The following PLXNA4 variants were observed in gnomAD, a reference collection of about 807,000 sequenced individuals.
PLXNA4 encodes plexin A4.
A neutral mutation model predicts 191.8 loss-of-function variants in PLXNA4; 44 were observed. The observed-to-expected ratio is 0.23, with a 90% CI of 0.18 to 0.29. The LOEUF (loss-of-function observed/expected upper bound fraction) is 0.29, where lower values mean the gene tolerates loss of function less well. Ranked by LOEUF, PLXNA4 falls within the 10% of genes least tolerant of loss-of-function variation. PLXNA4 has a pLI of 1.00. For synonymous variants in PLXNA4, 1,082 were observed against 1,009.5 expected (o/e 1.07, Z -1.36); for missense variants, 1,800 against 2,488.8 (o/e 0.72, Z 5.89).
intron 3 of PLXNA4, among the ~76,000 whole-genome samples, chr7:132,309,390 T>C (rs192112463): frequency 6.6e-6 from 1 of 152,080 alleles, no homozygotes; most frequent in Non-Finnish European, 1.5e-5. Context: ...AGTCAGTGGC[T>C]CTGCATGGTG....
At chr7:132,208,184 C>A (rs1797687834) in intron 10 of PLXNA4, among the ~76,000 whole-genome samples, 1 of 152,304 alleles carries the variant, frequency 6.6e-6, no homozygotes, top group South Asian at 2.1e-4. Flanking sequence ...GATTCCACTG[C>A]CCCCCATGAA....
chr7:132,352,701 G>T (rs983953040), intron 3 of PLXNA4, among the ~76,000 whole-genome samples: 1 of 152,178 alleles, frequency 6.6e-6, no homozygotes, highest in African/African-American at 2.4e-5. Context: ...TCTCAAAGCT[G>T]CAGCATCCTC....
chr7:132,303,011 G>A (rs964559971), intron 3 of PLXNA4, among the ~76,000 whole-genome samples: 4 of 151,908 alleles, frequency 2.6e-5, no homozygotes, highest in African/African-American at 9.7e-5. Context: ...TGAGTAGCTG[G>A]GATTACAGTC....
chr7:132,448,378 C>T (rs903545077), intron 3 of PLXNA4, among the ~76,000 whole-genome samples: 12 of 152,152 alleles, frequency 7.9e-5, no homozygotes, highest in African/African-American at 2.2e-4. Flanking sequence ...TGGTAGTTTG[C>T]GAACACCAGG....
At chr7:132,227,343 ACT>A (rs1240024618) in intron 7 of PLXNA4, 106 bp downstream of exon 7, 12 of 1,451,826 alleles carry the variant, frequency 8.3e-6, no homozygotes, top group Non-Finnish European at 1.1e-5. Flanking sequence ...CCTTCCTCTG[ACT>A]CTCTCCTGCC....
chr7:132,326,376 C>T (rs963737202), intron 3 of PLXNA4, among the ~76,000 whole-genome samples: 5 of 152,222 alleles, frequency 3.3e-5, no homozygotes, highest in African/African-American at 4.8e-5. Context: ...CACACATACA[C>T]ACCATCCTAC....
At chr7:132,365,782 G>C (rs886818896) in intron 3 of PLXNA4, 6 of 152,198 alleles carry the variant, frequency 3.9e-5, no homozygotes, top group Non-Finnish European at 1.5e-5. Flanking sequence ...CAATTCCTTT[G>C]AGAACGTTAA....
rs972693983 is a variant in PLXNA4 at position 132,385,096 on chromosome 7, A to G, written c.1372-86874T>C. ...TGAGCTATGATGTATGGCTGGGGTC[A>G]CAGGGAGGTAGATGTGTCTCATCTG... On this transcript the variant is annotated intron_variant, in intron 3 of 31. Coordinates refer to ENST00000321063, the MANE Select transcript of PLXNA4 (RefSeq NM_020911.2). 11 of 1,557,810 alleles carry G rather than the reference A, an allele frequency of 7.1e-6. No homozygotes were observed. The African/African-American group carries it at 1.5e-4, about 21-fold the overall frequency.
intron 3 of PLXNA4, among the ~76,000 whole-genome samples, chr7:132,440,008 G>GTGTA (rs1156732877): frequency 6.6e-6 from 1 of 151,784 alleles, no homozygotes. Context: ...GTGTGTGTGT[G>GTGTA]TGTATGTGTG....
At chr7:132,201,452 A>G (rs1180072120) in intron 12 of PLXNA4, among the ~76,000 whole-genome samples, 2 of 152,214 alleles carry the variant, frequency 1.3e-5, no homozygotes, top group Non-Finnish European at 2.9e-5. Context: ...TTAAGTGATC[A>G]TATACTGTGT....
At position 132,507,658 on chromosome 7, in the gene PLXNA4, T is replaced by G. The variant is rs779570289; in HGVS notation, c.1036A>C (p.Lys346Gln). The G allele has an allele frequency of 1.2e-6, 2 of 1,614,228 alleles. No homozygotes were observed. The highest frequency in any genetic ancestry group is 4.5e-5 in the East Asian group (2 of 44,890). ...FTVFSKGQKRKMKSLDESALC... is the reference protein window; with the variant it reads ...FTVFSKGQKRQMKSLDESALC... ...GCCGACTCATCCAGGGATTTCATTT[T>G]CCGCTTCTGGCCCTTGGAGAAGACG... is the stretch of plus-strand genomic sequence containing the variant. The change falls in exon 2 of 32, where the codon AAA becomes CAA. Residue 346 changes from lysine (K) to glutamine (Q), a missense_variant. Coordinates refer to ENST00000321063, the MANE Select transcript of PLXNA4 (RefSeq NM_020911.2).
intron 1 of PLXNA4, among the ~76,000 whole-genome samples, chr7:132,572,479 G>A (rs1229563312): frequency 6.6e-6 from 1 of 152,176 alleles, no homozygotes; most frequent in Non-Finnish European, 1.5e-5. Flanking sequence ...AGTGTGTGGG[G>A]GCATACACAG....
At chr7:132,556,092 A>T (rs1800790192) in intron 1 of PLXNA4, among the ~76,000 whole-genome samples, 1 of 152,258 alleles carries the variant, frequency 6.6e-6, no homozygotes, top group Admixed American at 6.5e-5. Context: ...GGTGAGCTGA[A>T]ACCTGCAACC....
intron 3 of PLXNA4, among the ~76,000 whole-genome samples, chr7:132,352,696 A>G (rs950087136): frequency 6.6e-6 from 1 of 152,090 alleles, no homozygotes; most frequent in Non-Finnish European, 1.5e-5. Flanking sequence ...CAACTTCTCA[A>G]AGCTGCAGCA....
intron 4 of PLXNA4, among the ~76,000 whole-genome samples, chr7:132,280,708 A>G (rs6950129): frequency 0.088 from 13,417 of 152,102 alleles, 763 homozygotes; most frequent in African/African-American, 0.15. Flanking sequence ...CGTGGGTTCT[A>G]TAGACTTTGA....
At chr7:132,207,832 A>G (rs549731270) in intron 10 of PLXNA4, among the ~76,000 whole-genome samples, 1 of 152,262 alleles carries the variant, frequency 6.6e-6, no homozygotes, top group South Asian at 2.1e-4. Flanking sequence ...ATCAGACTGT[A>G]CTCCCAGGAA....
At chr7:132,444,405 C>T (rs1328251431) in intron 3 of PLXNA4, among the ~76,000 whole-genome samples, 2 of 152,216 alleles carry the variant, frequency 1.3e-5, no homozygotes, top group Admixed American at 1.3e-4. Context: ...CAGGCATGTG[C>T]CACCATGCCC....
In PLXNA4 at chr7:132,202,784, C is replaced by T; in HGVS notation, c.2448G>A (p.Lys816=). 2 of 1,611,360 alleles carry T rather than the reference C, an allele frequency of 1.2e-6. No homozygotes were observed. The highest frequency in any genetic ancestry group is 1.7e-6 in the Non-Finnish European group (2 of 1,178,726). Residue 816 remains lysine (K), a synonymous_variant, in exon 12 of 32, where the codon AAG becomes AAA. Coordinates refer to ENST00000321063, the MANE Select transcript of PLXNA4 (RefSeq NM_020911.2). ...AGCCACATGCGAAGTCTGGGTCAGC[C>T]TTGAGGCACAGCCCGCAGCTCTCAC... is the stretch of plus-strand genomic sequence containing the variant. ...AMRESCGLCL[K]ADPDFACGWC...
chr7:132,164,206 C>T lies in PLXNA4; in HGVS notation c.4436G>A (p.Gly1479Asp), dbSNP rs1562891487. The change falls in exon 24 of 32, where the codon GGC (glycine) becomes GAC (aspartate). Residue 1479 changes from glycine to aspartate, a missense_variant. Physicochemically the swap from Gly to Asp is moderately conservative, Grantham distance 94 (BLOSUM62 -1). Transcript: ENST00000321063. ...MEKGPIDAIT[G>D]EARYSLSEDK... ...CTCGCTCAAGGAGTAGCGGGCCTCGCCCGTGATGGCGTCAATGGGGCCCTT... is the reference window on the plus strand; with the variant it reads ...CTCGCTCAAGGAGTAGCGGGCCTCGTCCGTGATGGCGTCAATGGGGCCCTT... The T allele has an allele frequency of 6.2e-7, 1 of 1,614,244 alleles. No individual in the cohort carries two copies. The highest frequency in any genetic ancestry group is 2.2e-5 in the East Asian group (1 of 44,872).
Sources: gnomAD v4.1 joint callset for allele counts (sites outside exome capture counted in the v4.1 genomes callset) on GRCh38, gnomAD v4.1.1 for gene constraint, MANE v1.5 for transcripts, NCBI Gene and HGNC (gene_info 2026-07-23, HGNC 2026-07-21) for gene names.